The following SEMA5B variants were observed in gnomAD, a reference collection of about 807,000 sequenced individuals.
SEMA5B encodes the protein semaphorin-5B.
Under a neutral mutation model 135.0 loss-of-function variants are expected in SEMA5B, and 66 were observed. The observed-to-expected ratio is 0.49, with a 90% CI of 0.40 to 0.60. The LOEUF is 0.60. SEMA5B is among the 20% of genes least tolerant of loss of function. The pLI is 0.00. For missense variants in SEMA5B, 1,501 were observed against 1,566.3 expected, an observed-to-expected ratio of 0.96 and a Z score of 0.70; for synonymous variants, 690 against 639.5, an observed-to-expected ratio of 1.08 and a Z score of -1.19.
At chr3:123,009,001 G>A (rs577690132) in intron 1 of SEMA5B, among the ~76,000 whole-genome samples, 8 of 152,320 alleles carry the variant, frequency 5.3e-5, no homozygotes, top group South Asian at 2.1e-4. Context: ...CTGGGCAGAG[G>A]AAACCCGAGC....
chr3:122,966,641 G>A (rs766915712), intron 1 of SEMA5B, among the ~76,000 whole-genome samples: 153 of 150,134 alleles, frequency 1.0e-3, no homozygotes, highest in East Asian at 2.5e-3. Context: ...TGCAAGCTCC[G>A]CCTCCTGGGT....
At position 122,915,758 on chromosome 3, in the gene SEMA5B, CA is replaced by C; in HGVS notation, c.1806+14del. On this transcript the variant is annotated intron_variant, in intron 13 of 22. Transcript: ENST00000357599. ...AGGAGGGGTCTGAGATGGGAGGACACAAGGGGATTCTCACAGGACAGGCGGT... is the reference window on the plus strand; with the variant it reads ...AGGAGGGGTCTGAGATGGGAGGACACAGGGGATTCTCACAGGACAGGCGGT... 1 of 1,612,742 alleles carries C rather than the reference CA, an allele frequency of 6.2e-7. No homozygotes were observed. The highest frequency in any genetic ancestry group is 1.1e-5 in the South Asian group (1 of 91,054).
At chr3:122,978,272 C>T (rs1037462968) in intron 1 of SEMA5B, among the ~76,000 whole-genome samples, 1 of 152,224 alleles carries the variant, frequency 6.6e-6, no homozygotes, top group Non-Finnish European at 1.5e-5. Context: ...TCTCATGAGC[C>T]GATGAGATCA....
chr3:122,967,030 G>A (rs747558984), intron 1 of SEMA5B, among the ~76,000 whole-genome samples: 14 of 151,582 alleles, frequency 9.2e-5, no homozygotes, highest in South Asian at 6.3e-4. Context: ...GATTGCAGGC[G>A]CCCGCCACCA....
chr3:123,014,588 A>G (rs72972456), intron 1 of SEMA5B, among the ~76,000 whole-genome samples: 91 of 152,380 alleles, frequency 6.0e-4, no homozygotes, highest in African/African-American at 2.0e-3. Context: ...TCCAGGGGCC[A>G]TGCTGCAGAG....
intron 4 of SEMA5B, among the ~76,000 whole-genome samples, 182 bp from the exon 5 acceptor site, chr3:122,939,652 T>A (rs2107514621): frequency 6.6e-6 from 1 of 152,158 alleles, no homozygotes; most frequent in Middle Eastern, 3.4e-3. Context: ...TGGGAGGAAA[T>A]CCAGGAAGCT....
intron 12 of SEMA5B, among the ~76,000 whole-genome samples, chr3:122,921,455 T>A (rs1938343539): frequency 6.6e-6 from 1 of 152,042 alleles, no homozygotes; most frequent in South Asian, 2.1e-4. Flanking sequence ...CTACCTCTTC[T>A]AAGGAAGGAA....
At chr3:122,930,465 T>C (rs1938907931) in intron 5 of SEMA5B, among the ~76,000 whole-genome samples, 1 of 152,194 alleles carries the variant, frequency 6.6e-6, no homozygotes, top group African/African-American at 2.4e-5. Context: ...GAGCCTGATA[T>C]GAGAGAAGAG....
intron 2 of SEMA5B, among the ~76,000 whole-genome samples, chr3:122,956,631 C>G (rs1293460083): frequency 6.6e-6 from 1 of 152,096 alleles, no homozygotes; most frequent in Non-Finnish European, 1.5e-5. Flanking sequence ...AGAGCGCAAA[C>G]CAGTCTCCCA....
chr3:123,024,351 T>A (rs1336137451), intron 1 of SEMA5B, among the ~76,000 whole-genome samples: 1 of 152,264 alleles, frequency 6.6e-6, no homozygotes. Context: ...GCTTTCTGGA[T>A]GTTCCTTGGA....
chr3:122,960,644 A>G (rs1940533209), intron 2 of SEMA5B, among the ~76,000 whole-genome samples: 1 of 152,242 alleles, frequency 6.6e-6, no homozygotes, highest in South Asian at 2.1e-4. Flanking sequence ...TCAGCCTTAT[A>G]AAAGGAGGAA....
intron 1 of SEMA5B, among the ~76,000 whole-genome samples, chr3:122,967,072 C>T (rs1401592889): frequency 1.3e-5 from 2 of 150,694 alleles, no homozygotes; most frequent in African/African-American, 4.9e-5. Flanking sequence ...TTAGTAGAGA[C>T]GGGGGTTTCT....
In SEMA5B at chr3:122,928,529, G is replaced by A. The variant is rs751119111; in HGVS notation, c.624C>T (p.Cys208=). 6.4e-7 allele frequency: 1 copy of A among 1,561,250 alleles called. No individual in the cohort carries two copies. Among genetic ancestry groups the A allele is most frequent in the South Asian group, 1.2e-5 (1 of 84,606 alleles). Residue 208 remains cysteine, a synonymous_variant, in exon 7 of 23, where the codon TGC becomes TGT. Coordinates refer to ENST00000357599, the MANE Select transcript of SEMA5B (RefSeq NM_001031702.4). ...CTGAGGTGCCCACCTGTCTGCTGGT[G>A]CACATGGGGGAAAAGGCATTGGTTC... The part of the protein sequence containing the change: ...MCGTNAFSPM[C]TSRQVGNLSR...
intron 1 of SEMA5B, among the ~76,000 whole-genome samples, chr3:123,014,702 G>A (rs1487852860): frequency 6.6e-6 from 1 of 152,208 alleles, no homozygotes; most frequent in Admixed American, 6.5e-5. Flanking sequence ...GCTGACAGAG[G>A]CAGGATCCGA....
In SEMA5B at chr3:122,948,533, T is replaced by G; in HGVS notation, c.301A>C (p.Ser101Arg). 6.2e-7 allele frequency: 1 copy of G among 1,608,100 alleles called. No homozygotes were observed. The highest frequency in any genetic ancestry group is 8.5e-7 in the Non-Finnish European group (1 of 1,175,736). The change falls in exon 3 of 23, where the codon AGC becomes CGC. Residue 101 changes from serine (S) to arginine (R), a missense_variant. Physicochemically the swap from Ser to Arg is moderately radical, Grantham distance 110 (BLOSUM62 -1). Around this residue, in one of 2 missense-constraint regions of SEMA5B, gnomAD observed 574 missense variants for 684.7 expected, o/e 0.84. Coordinates refer to ENST00000357599, the MANE Select transcript of SEMA5B (RefSeq NM_001031702.4). Reference protein sequence around the residue: ...PSSEQQLCALSKHPTVAFEDL... With the variant: ...PSSEQQLCALRKHPTVAFEDL... Reference sequence around the variant, plus strand: ...TCAAAGGCCACGGTGGGGTGCTTGCTAAGGGCGCACAGCTGCTGCTCACTG... The same window carrying G: ...TCAAAGGCCACGGTGGGGTGCTTGCGAAGGGCGCACAGCTGCTGCTCACTG...
chr3:122,994,402 A>G (rs1363014008), intron 1 of SEMA5B, among the ~76,000 whole-genome samples: 1 of 152,172 alleles, frequency 6.6e-6, no homozygotes, highest in Non-Finnish European at 1.5e-5. Flanking sequence ...TTTGCAAACA[A>G]TTATAGTGGT....
chr3:122,983,019 T>C (rs1941571523), intron 1 of SEMA5B, among the ~76,000 whole-genome samples: 1 of 151,476 alleles, frequency 6.6e-6, no homozygotes, highest in Non-Finnish European at 1.5e-5. Context: ...GAAGGAAGGG[T>C]TAGAGACACC....
At chr3:122,997,697 T>A (rs1942057524) in intron 1 of SEMA5B, among the ~76,000 whole-genome samples, 1 of 152,218 alleles carries the variant, frequency 6.6e-6, no homozygotes, top group African/African-American at 2.4e-5. Context: ...GCTGCATCTC[T>A]GCATAATGCC....
chr3:122,948,130 G>C lies in SEMA5B; in HGVS notation c.328+376C>G, dbSNP rs190158236. The stretch of plus-strand genomic sequence containing the variant: ...AGAGAGGGATCCCTGCAGCCCCTTA[G>C]AGCAGAAGGAAGCTTTCCAGAGATC... On this transcript the variant is annotated intron_variant, in intron 3 of 22. Coordinates refer to ENST00000357599, the MANE Select transcript of SEMA5B (RefSeq NM_001031702.4). Among the ~76,000 whole-genome samples, 500 of 152,212 alleles carry C rather than the reference G, an allele frequency of 3.3e-3. 4 individuals carry two copies. Among genetic ancestry groups the C allele is most frequent in the African/African-American group, 0.012 (481 of 41,508 alleles).
Sources: allele counts gnomAD v4.1 joint callset (sites outside exome capture counted in the v4.1 genomes callset), GRCh38; gene constraint gnomAD v4.1.1; regional missense constraint gnomAD v4.1.1; transcripts MANE v1.5; gene names NCBI Gene and HGNC (gene_info 2026-07-23, HGNC 2026-07-21).